SMTNL2: variants seen among roughly 807,000 people sequenced by gnomAD.
The protein encoded by SMTNL2 is smoothelin-like protein 2.
A neutral mutation model predicts 44.1 loss-of-function variants in SMTNL2; 43 were observed. The observed-to-expected ratio is 0.98, with a 90% CI of 0.76 to 1.26. SMTNL2 has a LOEUF of 1.26. Among genes scored for constraint, SMTNL2 ranks in the 50% most tolerant of loss-of-function variants. The pLI, the probability that SMTNL2 is intolerant of heterozygous loss-of-function variation, is 0.00. For synonymous variants in SMTNL2, 317 were observed against 287.6 expected (o/e 1.10, Z -1.03); for missense variants, 646 against 670.2 (o/e 0.96, Z 0.40).
chr17:4,597,373 C>A (rs1909864557), intron 7 of SMTNL2, 50 bp downstream of exon 7: 3 of 1,594,302 alleles, frequency 1.9e-6, no homozygotes, highest in African/African-American at 2.7e-5. Flanking sequence ...AGTCCCTGAG[C>A]CCAACTTCTT....
At chr17:4,585,685 G>A (rs923760758) in intron 1 of SMTNL2, among the ~76,000 whole-genome samples, 1 of 152,254 alleles carries the variant, frequency 6.6e-6, no homozygotes, top group Non-Finnish European at 1.5e-5. Flanking sequence ...ACTACCTTGC[G>A]CATGGGCCAC....
In SMTNL2 at chr17:4,596,123, T is replaced by A. The variant is rs193199074; in HGVS notation, c.990-737T>A. On this transcript the variant is annotated intron_variant, in intron 5 of 7. Transcript: ENST00000389313. ...GGGTGTGGCCCAAGCGTGGTATTGA[T>A]GTCTGCTGTGTGCAGGGTGTGGCCC... is the stretch of plus-strand genomic sequence containing the variant. Among the ~76,000 whole-genome samples the A allele has an allele frequency of 1.1e-3, 151 of 132,934 alleles. 2 individuals are homozygous for A. The East Asian group carries it at 0.031, about 27-fold the overall frequency. 87.2% of individuals were successfully genotyped at this position (132,934 alleles called of 152,430 possible).
intron 7 of SMTNL2, among the ~76,000 whole-genome samples, chr17:4,601,335 A>G (rs1910020802): frequency 6.6e-6 from 1 of 151,816 alleles, no homozygotes; most frequent in African/African-American, 2.4e-5. Flanking sequence ...GGATCGTTTG[A>G]GCCCGGATGG....
In SMTNL2 at chr17:4,593,184, G is replaced by C; in HGVS notation, c.730+13G>C. 1 of 1,574,238 alleles carries C rather than the reference G, an allele frequency of 6.4e-7. No individual in the cohort carries two copies. The highest frequency in any genetic ancestry group is 8.7e-7 in the Non-Finnish European group (1 of 1,154,158). ...CCCAGTCCTAGCGGTATGAGCTGGA[G>C]AGCGTGGCCTTGGGGCAGACCTCCC... is the stretch of plus-strand genomic sequence containing the variant. On this transcript the variant is annotated intron_variant, in intron 3 of 7. Coordinates refer to ENST00000389313, the MANE Select transcript of SMTNL2 (RefSeq NM_001114974.2).
chr17:4,595,090 G>A lies in SMTNL2; in HGVS notation c.807-55G>A. 2.5e-6 allele frequency: 4 copies of A among 1,611,432 alleles called. No individual in the cohort carries two copies. The highest frequency in any genetic ancestry group is 3.4e-6 in the Non-Finnish European group (4 of 1,179,066). On this transcript the variant is annotated intron_variant, in intron 4 of 7. Coordinates refer to ENST00000389313, the MANE Select transcript of SMTNL2 (RefSeq NM_001114974.2). This position sits in a 1 kb window ranked among gnomAD's most constrained non-coding sequence, Gnocchi z 5.1. ...AGTGCAATGGAGACCTTGGGGCCTG[G>A]TGAGCTAGTGATGGCTGCTGGGCCC...
intron 7 of SMTNL2, among the ~76,000 whole-genome samples, chr17:4,604,697 G>C (rs909799577): frequency 6.6e-6 from 1 of 151,962 alleles, no homozygotes; most frequent in Non-Finnish European, 1.5e-5. Flanking sequence ...TTTTGAGACA[G>C]AGTCTCGCTC....
At chr17:4,588,744 G>A (rs1909445007) in intron 1 of SMTNL2, among the ~76,000 whole-genome samples, 1 of 152,188 alleles carries the variant, frequency 6.6e-6, no homozygotes, top group African/African-American at 2.4e-5. Context: ...CCCAGGTCCT[G>A]GAAGACAACT....
Position 4,595,167 on chromosome 17 carries a change from C to G in SMTNL2, c.829C>G (p.Gln277Glu). 1.9e-6 allele frequency: 3 copies of G among 1,613,190 alleles called. No individual in the cohort carries two copies. Among genetic ancestry groups the G allele is most frequent in the Non-Finnish European group, 2.5e-6 (3 of 1,179,976 alleles). ...SNSPPLVTPP[Q>E]SPVSPQPPAI... is the part of the protein sequence containing the mutation. ...CAGCCCACCGCTGGTGACACCACCC[C>G]AGTCGCCCGTGTCCCCGCAGCCGCC... is the stretch of plus-strand genomic sequence containing the variant. Residue 277 changes from glutamine (Q) to glutamate (E), a missense_variant, in exon 5 of 8, where the codon CAG becomes GAG. By Grantham distance (29) the Gln-to-Glu change is conservative (BLOSUM62 2). Coordinates refer to ENST00000389313, the MANE Select transcript of SMTNL2 (RefSeq NM_001114974.2). The surrounding 1 kb of genome is among the most constrained non-coding windows in gnomAD (Gnocchi z 5.1).
intron 1 of SMTNL2, among the ~76,000 whole-genome samples, chr17:4,586,059 ACT>A (rs1939286609): frequency 6.6e-6 from 1 of 152,070 alleles, no homozygotes; most frequent in South Asian, 2.1e-4. Flanking sequence ...GCTTGCTGCT[ACT>A]GGTGCAGATG....
Position 4,597,185 on chromosome 17 carries a change from A to G in SMTNL2, c.1121A>G (p.Gln374Arg), listed in dbSNP as rs1410361521. 1.2e-6 allele frequency: 2 copies of G among 1,613,662 alleles called. No individual in the cohort carries two copies. ...ACCCTGTTGCAGCACGTGGACCTGCAGAACTTCTCCTCCAGCTGGAGCGAC... is the reference window on the plus strand; with the variant it reads ...ACCCTGTTGCAGCACGTGGACCTGCGGAACTTCTCCTCCAGCTGGAGCGAC... Reference protein sequence around the residue: ...KTLGYQHVDLQNFSSSWSDGM... With the variant: ...KTLGYQHVDLRNFSSSWSDGM... Residue 374 changes from glutamine (Q) to arginine (R), a missense_variant, in exon 7 of 8, where the codon CAG becomes CGG. Coordinates refer to ENST00000389313, the MANE Select transcript of SMTNL2 (RefSeq NM_001114974.2).
chr17:4,588,908 C>T (rs1225970692), intron 1 of SMTNL2, among the ~76,000 whole-genome samples: 1 of 152,230 alleles, frequency 6.6e-6, no homozygotes, highest in Non-Finnish European at 1.5e-5. Flanking sequence ...CCCCACCCCA[C>T]GTCTTGCTTT....
intron 7 of SMTNL2, among the ~76,000 whole-genome samples, chr17:4,603,580 G>C (rs1910130989): frequency 6.6e-6 from 1 of 152,056 alleles, no homozygotes; most frequent in Non-Finnish European, 1.5e-5. Flanking sequence ...CTTCTGACGG[G>C]GGTGTTTGGA....
intron 5 of SMTNL2, among the ~76,000 whole-genome samples, chr17:4,596,535 C>A (rs540098647): frequency 6.6e-6 from 1 of 152,346 alleles, no homozygotes; most frequent in East Asian, 1.9e-4. Context: ...GGGCCCAGGG[C>A]CATGTGAGCC....
chr17:4,607,338 C>G lies in SMTNL2; in HGVS notation c.1260-23C>G, dbSNP rs1171470283. On this transcript the variant is annotated intron_variant, in intron 7 of 7. Coordinates refer to ENST00000389313, the MANE Select transcript of SMTNL2 (RefSeq NM_001114974.2). This position sits in a 1 kb window ranked among gnomAD's most constrained non-coding sequence, Gnocchi z 4.7. ...CTGGCTGATGGCTGGGACCACCGTT[C>G]TGACGGGGCTTGTGTGTTTCAGGAA... 25 of 1,613,496 alleles carry G rather than the reference C, an allele frequency of 1.5e-5. No individual in the cohort carries two copies. The highest frequency in any genetic ancestry group is 2.1e-5 in the Non-Finnish European group (25 of 1,179,752).
intron 5 of SMTNL2, among the ~76,000 whole-genome samples, chr17:4,596,052 T>G (rs2150522716): frequency 9.3e-6 from 1 of 107,750 alleles, no homozygotes; most frequent in African/African-American, 3.2e-5. Context: ...ATGTCTGCTG[T>G]GTGCAGGGTG....
In SMTNL2 at chr17:4,607,305, C is replaced by CT. The variant is rs11374633; in HGVS notation, c.1260-55dup. On this transcript the variant is annotated intron_variant, in intron 7 of 7. Transcript: ENST00000389313. The surrounding 1 kb of genome is among the most constrained non-coding windows in gnomAD (Gnocchi z 4.7). ...GACCGAGACACCGGCCCTGTCGCGG[C>CT]TGTGGGGCTGGCTGATGGCTGGGAC... The CT allele has an allele frequency of 0.18, 286,390 of 1,607,002 alleles. 29,891 individuals carry two copies. Among genetic ancestry groups the CT allele is most frequent in the East Asian group, 0.52 (23,071 of 44,622 alleles).
rs1300242903 is a variant in SMTNL2, at chr17:4,585,006, T to G, written c.399+2T>G. On this transcript the variant is annotated splice_donor_variant, in intron 1 of 7. Transcript: ENST00000389313. LOFTEE classifies it high-confidence loss of function. Reference sequence around the variant, plus strand: ...TTCTCGCTGTCCGGCCGCGGCCAGGTGAGCCCGGGGGAGCGCGTGCGCTGG... The same window carrying G: ...TTCTCGCTGTCCGGCCGCGGCCAGGGGAGCCCGGGGGAGCGCGTGCGCTGG... 7.4e-7 allele frequency: 1 copy of G among 1,347,796 alleles called. No homozygotes were observed. The highest frequency in any genetic ancestry group is 9.5e-7 in the Non-Finnish European group (1 of 1,053,412). 83.5% of individuals were successfully genotyped at this position (1,347,796 alleles called of 1,614,324 possible).
Position 4,595,398 on chromosome 17 carries a change from G to A in SMTNL2, c.989+71G>A, listed in dbSNP as rs1909769642. 3.2e-6 allele frequency: 5 copies of A among 1,555,698 alleles called. No individual in the cohort carries two copies. Among genetic ancestry groups the A allele is most frequent in the African/African-American group, 1.3e-5 (1 of 74,108 alleles). On this transcript the variant is annotated intron_variant, in intron 5 of 7. Coordinates refer to ENST00000389313, the MANE Select transcript of SMTNL2 (RefSeq NM_001114974.2). The surrounding 1 kb of genome is among the most constrained non-coding windows in gnomAD (Gnocchi z 5.1). The stretch of plus-strand genomic sequence containing the variant: ...AGACCCAGACGGGGCTTGGGTGGGT[G>A]CAGCAGGGCAAGGTTCAGCCCTGTC...
rs1468013112 is a variant in SMTNL2, at chr17:4,598,088, A to G, written c.1259+765A>G. 6.6e-6 allele frequency among the ~76,000 whole-genome samples: 1 copy of G among 152,210 alleles called. No homozygotes were observed. The highest frequency in any genetic ancestry group is 2.4e-5 in the African/African-American group (1 of 41,458). ...GGCCTCATGCAGCAGCCTCGGGATAACAGCAGTGTGGCGGATCTCAGCCCG... is the reference window on the plus strand; with the variant it reads ...GGCCTCATGCAGCAGCCTCGGGATAGCAGCAGTGTGGCGGATCTCAGCCCG... On this transcript the variant is annotated intron_variant, in intron 7 of 7. Transcript: ENST00000389313. This position sits in a 1 kb window ranked among gnomAD's most constrained non-coding sequence, Gnocchi z 4.8.
Sources: gnomAD v4.1 joint callset for allele counts (sites outside exome capture counted in the v4.1 genomes callset) on GRCh38, gnomAD v4.1.1 for gene constraint, Gnocchi (gnomAD v3.1) non-coding constraint, MANE v1.5 for transcripts, NCBI Gene and HGNC (gene_info 2026-07-23, HGNC 2026-07-21) for gene names.